Variants in AKT3 observed in about 807,000 individuals in gnomAD.
The protein encoded by AKT3 is RAC-gamma serine/threonine-protein kinase.
Under a neutral mutation model 65.3 loss-of-function variants are expected in AKT3, and 15 were observed. The observed-to-expected ratio is 0.23, with a 90% CI of 0.15 to 0.35. The LOEUF (loss-of-function observed/expected upper bound fraction) is 0.35, where lower values mean the gene tolerates loss of function less well. AKT3 is among the 10% of genes least tolerant of loss of function. The pLI is 1.00. For synonymous variants in AKT3, 206 were observed against 183.8 expected (o/e 1.12, Z -0.98); for missense variants, 243 against 576.5 (o/e 0.42, Z 5.92).
Position 243,732,438 on chromosome 1 carries a change from C to T in AKT3, c.47-36722G>A, listed in dbSNP as rs77690073. 1.6e-4 allele frequency among the ~76,000 whole-genome samples: 25 copies of T among 152,292 alleles called. No individual in the cohort carries two copies. In the East Asian group the frequency reaches 4.2e-3, roughly 26 times the overall value. On this transcript the variant is annotated intron_variant, in intron 2 of 13. Transcript: ENST00000673466. ...TCTCAATCTTTGGAATTACTAAATA[C>T]AGCAAATGTGTTTTTAAATAATACC...
intron 5 of AKT3, among the ~76,000 whole-genome samples, chr1:243,641,108 A>C (rs1204841123): frequency 6.6e-6 from 1 of 151,962 alleles, no homozygotes; most frequent in East Asian, 1.9e-4. Context: ...GCTGTGCTGG[A>C]GGCTTCCTGC....
intron 2 of AKT3, among the ~76,000 whole-genome samples, chr1:243,841,763 A>G (rs1224312623): frequency 6.6e-6 from 1 of 152,180 alleles, no homozygotes; most frequent in Non-Finnish European, 1.5e-5. Flanking sequence ...AAAAGCTAGA[A>G]GCAGCCCAAA....
At chr1:243,680,562 T>A (rs1464684721) in intron 3 of AKT3, among the ~76,000 whole-genome samples, 1 of 152,100 alleles carries the variant, frequency 6.6e-6, no homozygotes, top group African/African-American at 2.4e-5. Flanking sequence ...AGGCCTCATT[T>A]AACTTTACTC....
chr1:243,518,706 T>G (rs1022998701), intron 12 of AKT3, among the ~76,000 whole-genome samples: 15 of 152,180 alleles, frequency 9.9e-5, no homozygotes, highest in Admixed American at 6.5e-5. Context: ...CAGATTTCAT[T>G]ACAAATTTCT....
intron 13 of AKT3, among the ~76,000 whole-genome samples, chr1:243,490,228 T>C (rs1666057775): frequency 6.6e-6 from 1 of 152,218 alleles, no homozygotes; most frequent in African/African-American, 2.4e-5. Context: ...TCACAGACAG[T>C]AAATGAGCAC....
intron 2 of AKT3, among the ~76,000 whole-genome samples, chr1:243,764,563 T>C (rs1379513561): frequency 6.6e-6 from 1 of 152,110 alleles, no homozygotes; most frequent in African/African-American, 2.4e-5. Flanking sequence ...CAAAGAGAAG[T>C]ACCATATTCC....
chr1:243,699,967 G>A (rs1230973061), intron 2 of AKT3, among the ~76,000 whole-genome samples: 2 of 152,116 alleles, frequency 1.3e-5, no homozygotes, highest in Non-Finnish European at 2.9e-5. Flanking sequence ...GACAACAAGT[G>A]GGTTCTCCCC....
intron 8 of AKT3, among the ~76,000 whole-genome samples, chr1:243,582,521 G>T (rs1388032683): frequency 4.0e-5 from 6 of 148,454 alleles, no homozygotes; most frequent in Non-Finnish European, 8.9e-5. Context: ...CTTCATAAGT[G>T]AATAAGAAGT....
chr1:243,736,505 G>T (rs1016406822), intron 2 of AKT3, among the ~76,000 whole-genome samples: 12 of 152,072 alleles, frequency 7.9e-5, no homozygotes, highest in Admixed American at 7.2e-4. Context: ...AAAATGAGAA[G>T]CAAGAATTAG....
chr1:243,797,846 A>G (rs1208316970), intron 2 of AKT3, among the ~76,000 whole-genome samples: 2 of 150,418 alleles, frequency 1.3e-5, no homozygotes, highest in Admixed American at 1.3e-4. Context: ...AAGTAATTCA[A>G]AAGTTAGGAT....
At chr1:243,689,595 T>C (rs1451062473) in intron 3 of AKT3, among the ~76,000 whole-genome samples, 1 of 151,776 alleles carries the variant, frequency 6.6e-6, no homozygotes, top group African/African-American at 2.4e-5. Flanking sequence ...GATAAAGATG[T>C]TTGTTAGTAG....
intron 2 of AKT3, among the ~76,000 whole-genome samples, chr1:243,762,410 C>T (rs1020688333): frequency 3.3e-5 from 5 of 152,012 alleles, no homozygotes; most frequent in Admixed American, 3.3e-4. Context: ...TCAAAATTAT[C>T]TTTTTTATCT....
At chr1:243,822,885 A>G (rs1156375312) in intron 2 of AKT3, among the ~76,000 whole-genome samples, 2 of 152,176 alleles carry the variant, frequency 1.3e-5, no homozygotes, top group Non-Finnish European at 2.9e-5. Flanking sequence ...TTCTGAAACT[A>G]TTCCCAACAA....
At chr1:243,747,019 T>TCC (rs1334581674) in intron 2 of AKT3, among the ~76,000 whole-genome samples, 1 of 152,274 alleles carries the variant, frequency 6.6e-6, no homozygotes, top group East Asian at 1.9e-4. Context: ...AGGCTGTGAT[T>TCC]CCATTGGGAG....
At position 243,608,285 on chromosome 1, in the gene AKT3, C is replaced by G. The variant is rs188861009; in HGVS notation, c.696+5386G>C. On this transcript the variant is annotated intron_variant, in intron 8 of 13. Transcript: ENST00000673466. ...ATGGCATGTGACTTATATTGACAAA[C>G]ACATAAAAATCACAAGCATAATCAA... Among the ~76,000 whole-genome samples the G allele has an allele frequency of 1.6e-4, 24 of 152,264 alleles. No individual in the cohort carries two copies. The East Asian group carries it at 4.2e-3, about 27-fold the overall frequency.
At chr1:243,615,260 T>C (rs1481834592) in intron 6 of AKT3, 99 bp from the exon 7 acceptor site, 16 of 873,932 alleles carry the variant, frequency 1.8e-5, no homozygotes, top group Middle Eastern at 5.1e-4. Context: ...AGCCCAGAGA[T>C]TGAAAAGGAT....
chr1:243,523,083 C>T (rs1670822578), intron 12 of AKT3, among the ~76,000 whole-genome samples: 1 of 152,114 alleles, frequency 6.6e-6, no homozygotes, highest in African/African-American at 2.4e-5. Context: ...GGCATAGGGG[C>T]AGGCAGCAAT....
chr1:243,499,408 T>TAAAC (rs1052685848), downstream of AKT3, among the ~76,000 whole-genome samples: 1 of 152,240 alleles, frequency 6.6e-6, no homozygotes, highest in Non-Finnish European at 1.5e-5. Flanking sequence ...AAATTTTCAG[T>TAAAC]AAACAGATTA....
chr1:243,559,104 C>T (rs1032491769), intron 10 of AKT3, among the ~76,000 whole-genome samples: 1 of 152,008 alleles, frequency 6.6e-6, no homozygotes. Context: ...TTTATAATTT[C>T]TAGGTGTGAA....
Sources: allele counts gnomAD v4.1 joint callset (sites outside exome capture counted in the v4.1 genomes callset), GRCh38; gene constraint gnomAD v4.1.1; transcripts MANE v1.5; gene names NCBI Gene and HGNC (gene_info 2026-07-23, HGNC 2026-07-21).